The following SLC20A2 variants were observed in gnomAD, a reference collection of about 807,000 sequenced individuals.
SLC20A2 encodes sodium-dependent phosphate transporter 2.
In SLC20A2, 30 loss-of-function variants were observed where a neutral mutation model predicts 61.0. The ratio of observed to expected loss-of-function variants is 0.49; its 90% confidence interval spans 0.37 to 0.67. The LOEUF (loss-of-function observed/expected upper bound fraction) is 0.67. Among genes scored for constraint, SLC20A2 ranks in the 30% least tolerant of loss-of-function variants. The pLI, the probability that SLC20A2 is intolerant of heterozygous loss-of-function variation, is 0.00. For synonymous variants in SLC20A2, 351 were observed against 353.3 expected (o/e 0.99, Z 0.07); for missense variants, 626 against 866.4 (o/e 0.72, Z 3.48).
chr8:42,528,190 G>A (rs567490845), intron 1 of SLC20A2, among the ~76,000 whole-genome samples: 72 of 152,166 alleles, frequency 4.7e-4, no homozygotes, highest in African/African-American at 1.5e-3. Context: ...GACAGGGCGC[G>A]GTGGCTCACA....
chr8:42,417,686 C>T lies in SLC20A2; in HGVS notation c.*117G>A. ...AGCCTCCTGGAAGGGAGGCAGAGAG[C>T]TGGTCATGAGAGAGCCGTGCACGGC... On this transcript the variant is annotated 3_prime_UTR_variant, in exon 11 of 11. Transcript: ENST00000520262. The T allele has an allele frequency of 8.9e-7, 1 of 1,119,302 alleles. No homozygotes were observed. Among genetic ancestry groups the T allele is most frequent in the Non-Finnish European group, 1.3e-6 (1 of 775,902 alleles). 69.3% of individuals were successfully genotyped at this position (1,119,302 alleles called of 1,614,324 possible).
intron 10 of SLC20A2, among the ~76,000 whole-genome samples, chr8:42,424,955 A>C (rs1803300578): frequency 6.6e-6 from 1 of 152,156 alleles, no homozygotes; most frequent in South Asian, 2.1e-4. Flanking sequence ...CTGAGGCAGG[A>C]AAACTGCTTG....
chr8:42,449,890 C>T (rs1805508623), intron 5 of SLC20A2, among the ~76,000 whole-genome samples: 1 of 152,154 alleles, frequency 6.6e-6, no homozygotes, highest in South Asian at 2.1e-4. Flanking sequence ...GAAGCAGAAT[C>T]CCACTATATA....
chr8:42,433,480 C>T lies in SLC20A2; in HGVS notation c.1524-3231G>A, dbSNP rs544101989. On this transcript the variant is annotated intron_variant, in intron 8 of 10. Coordinates refer to ENST00000520262, the MANE Select transcript of SLC20A2 (RefSeq NM_001257180.2). ...CTGGGATTACAGGCACGTGCCACCA[C>T]GCCTGGCTAATTTTTTGTATTTTTA... 4.6e-5 allele frequency among the ~76,000 whole-genome samples: 7 copies of T among 152,128 alleles called. No individual in the cohort carries two copies. The East Asian group carries it at 5.8e-4, about 13-fold the overall frequency.
chr8:42,464,924 G>C (rs1166849163), intron 3 of SLC20A2, among the ~76,000 whole-genome samples: 1 of 152,062 alleles, frequency 6.6e-6, no homozygotes, highest in Non-Finnish European at 1.5e-5. Context: ...GCAGTGAGCC[G>C]AGATTGCGCC....
At chr8:42,491,231 T>C (rs1214570755) in intron 1 of SLC20A2, among the ~76,000 whole-genome samples, 1 of 151,662 alleles carries the variant, frequency 6.6e-6, no homozygotes, top group African/African-American at 2.4e-5. Flanking sequence ...AATACAAAAA[T>C]TGGCCGGGTA....
At chr8:42,488,267 C>CCT (rs1303625975) in intron 1 of SLC20A2, among the ~76,000 whole-genome samples, 2 of 142,598 alleles carry the variant, frequency 1.4e-5, no homozygotes, top group East Asian at 4.2e-4. Context: ...CTCACTGCAA[C>CCT]CTCTGCCTCC....
intron 1 of SLC20A2, among the ~76,000 whole-genome samples, chr8:42,514,144 C>T (rs1018875485): frequency 7.2e-5 from 11 of 152,198 alleles, no homozygotes; most frequent in Non-Finnish European, 1.0e-4. Flanking sequence ...AAAATGCTGA[C>T]GGCCTGTTAT....
chr8:42,449,596 T>C (rs1805491147), intron 5 of SLC20A2, among the ~76,000 whole-genome samples: 1 of 152,224 alleles, frequency 6.6e-6, no homozygotes, highest in Non-Finnish European at 1.5e-5. Context: ...ATCAGTTTCC[T>C]TATATCATGA....
chr8:42,500,714 C>T (rs1333776010), intron 1 of SLC20A2, among the ~76,000 whole-genome samples: 2 of 152,160 alleles, frequency 1.3e-5, no homozygotes, highest in Non-Finnish European at 2.9e-5. Flanking sequence ...CTCAATGACA[C>T]AATACAATGT....
intron 1 of SLC20A2, among the ~76,000 whole-genome samples, chr8:42,510,515 T>C (rs1447518260): frequency 1.9e-4 from 29 of 152,232 alleles, no homozygotes; most frequent in Non-Finnish European, 2.9e-5. Flanking sequence ...ATACACAGTA[T>C]AAAATACTAA....
At chr8:42,477,464 C>CTTTT (rs56302974) in intron 1 of SLC20A2, among the ~76,000 whole-genome samples, 1 of 50,278 alleles carries the variant, frequency 2.0e-5, no homozygotes, top group African/African-American at 7.9e-5. Flanking sequence ...GGGACAGGGA[C>CTTTT]TTTTTTTTTT....
chr8:42,531,354 C>G (rs576978833), intron 1 of SLC20A2, among the ~76,000 whole-genome samples: 2 of 152,256 alleles, frequency 1.3e-5, no homozygotes, highest in South Asian at 4.1e-4. Flanking sequence ...ACAATTAAGG[C>G]AGGCTCAGCA....
intron 5 of SLC20A2, among the ~76,000 whole-genome samples, chr8:42,449,228 G>A (rs570383538): frequency 1.3e-5 from 2 of 152,214 alleles, no homozygotes; most frequent in East Asian, 1.9e-4. Context: ...TCAGTGGCTC[G>A]TGTTCACTCA....
intron 1 of SLC20A2, among the ~76,000 whole-genome samples, chr8:42,498,906 A>G (rs534505708): frequency 6.6e-6 from 1 of 152,350 alleles, no homozygotes; most frequent in African/African-American, 2.4e-5. Flanking sequence ...AAGAGGTCCC[A>G]GAGAAAAGGT....
At chr8:42,519,132 G>GTAT (rs1554575064) in intron 1 of SLC20A2, among the ~76,000 whole-genome samples, 2 of 152,136 alleles carry the variant, frequency 1.3e-5, no homozygotes, top group Non-Finnish European at 2.9e-5. Flanking sequence ...CTTAACAGAA[G>GTAT]TATCACCTTG....
intron 5 of SLC20A2, among the ~76,000 whole-genome samples, chr8:42,451,052 CCT>C (rs1805596851): frequency 1.3e-5 from 2 of 152,126 alleles, no homozygotes; most frequent in Non-Finnish European, 2.9e-5. Context: ...GTGCAGGGCT[CCT>C]TCTCACAAAG....
chr8:42,481,312 C>T (rs1808535344), intron 1 of SLC20A2, among the ~76,000 whole-genome samples: 1 of 152,124 alleles, frequency 6.6e-6, no homozygotes, highest in South Asian at 2.1e-4. Flanking sequence ...CAATGAGTCC[C>T]TAAATGCACT....
chr8:42,530,357 G>C (rs1371538781), intron 1 of SLC20A2, among the ~76,000 whole-genome samples: 3 of 152,094 alleles, frequency 2.0e-5, no homozygotes, highest in Admixed American at 6.6e-5. Flanking sequence ...ATATTATTCA[G>C]GAAATATACT....
Sources: gnomAD v4.1 joint callset for allele counts (sites outside exome capture counted in the v4.1 genomes callset) on GRCh38, gnomAD v4.1.1 for gene constraint, MANE v1.5 for transcripts, NCBI Gene and HGNC (gene_info 2026-07-23, HGNC 2026-07-21) for gene names.